METTL22: variants seen among roughly 807,000 people sequenced by gnomAD.
METTL22 encodes methyltransferase 22, Kin17 lysine, also known as methyltransferase-like protein 22.
Under a neutral mutation model 48.4 loss-of-function variants are expected in METTL22, and 51 were observed. That is an observed-to-expected ratio of 1.05 (90% CI 0.84 to 1.33). The LOEUF (loss-of-function observed/expected upper bound fraction) is 1.33, where lower values mean the gene tolerates loss of function less well. METTL22 is among the 40% of genes most tolerant of loss of function. METTL22 has a pLI of 0.00. For synonymous variants in METTL22, 255 were observed against 214.1 expected (o/e 1.19, Z -1.67); for missense variants, 678 against 526.9 (o/e 1.29, Z -2.81).
In METTL22 at chr16:8,644,667, T is replaced by G. The variant is rs200891474; in HGVS notation, c.1121T>G (p.Val374Gly). The change falls in exon 10 of 11, where the codon GTG becomes GGG. Residue 374 changes from valine (V) to glycine (G), a missense_variant. Val to Gly is a moderately radical substitution (Grantham distance 109). Transcript: ENST00000381920. ...GCAGATGGCAAGCTGCGCTTCGTGGTGGAGCCCGTGGAGGCCTCCTTCCCA... is the reference window on the plus strand; with the variant it reads ...GCAGATGGCAAGCTGCGCTTCGTGGGGGAGCCCGTGGAGGCCTCCTTCCCA... The part of the protein sequence containing the change: ...QLADGKLRFV[V>G]EPVEASFPQL... The G allele has an allele frequency of 3.9e-5, 63 of 1,605,992 alleles. No individual in the cohort carries two copies. The highest frequency in any genetic ancestry group is 4.9e-5 in the Non-Finnish European group (58 of 1,176,456).
chr16:8,633,742 G>T (rs2056337744), intron 3 of METTL22, among the ~76,000 whole-genome samples: 1 of 152,248 alleles, frequency 6.6e-6, no homozygotes, highest in African/African-American at 2.4e-5. Context: ...AGCTGTCATT[G>T]GGTGATTTTG....
chr16:8,650,167 CTT>C (rs547257443), downstream of METTL22, among the ~76,000 whole-genome samples: 127 of 152,236 alleles, frequency 8.3e-4, 3 homozygotes, highest in East Asian at 0.021. Context: ...CTCTAAAAAA[CTT>C]TTTTTTAATT....
the METTL22 span, among the ~76,000 whole-genome samples, chr16:8,659,799 C>G: frequency 6.6e-6 from 1 of 151,986 alleles, no homozygotes; most frequent in African/African-American, 2.4e-5. Context: ...TCTTGGCTCA[C>G]TGCAGCCTCG....
intron 1 of METTL22, chr16:8,623,754 C>T (rs753893919): frequency 6.6e-6 from 1 of 152,122 alleles, no homozygotes; most frequent in Non-Finnish European, 1.5e-5. Context: ...TTTGTTGGGA[C>T]AGCTTTTGCT....
intron 9 of METTL22, among the ~76,000 whole-genome samples, chr16:8,643,100 T>C (rs2141805359): frequency 6.6e-6 from 1 of 152,340 alleles, no homozygotes; most frequent in Middle Eastern, 3.4e-3. Context: ...CCTGTAATAC[T>C]TAACAGTAGT....
At position 8,641,256 on chromosome 16, in the gene METTL22, CTG is replaced by C. The variant is rs1017669715; in HGVS notation, c.826+75_826+76del. 4 of 1,512,370 alleles carry C rather than the reference CTG, an allele frequency of 2.6e-6. No homozygotes were observed. In the African/African-American group the frequency reaches 5.5e-5, roughly 21 times the overall value. 93.7% of individuals were successfully genotyped at this position (1,512,370 alleles called of 1,614,324 possible). The stretch of plus-strand genomic sequence containing the variant: ...TTGTAATACCTCAGTGCCCCTGGCT[CTG>C]TGGTTTTGACAGAGCTGTAGTCCCA... On this transcript the variant is annotated intron_variant, in intron 7 of 10. Coordinates refer to ENST00000381920, the MANE Select transcript of METTL22 (RefSeq NM_024109.4).
the METTL22 span, chr16:8,666,996 A>C: frequency 6.6e-6 from 1 of 151,780 alleles, no homozygotes; most frequent in South Asian, 2.1e-4. Flanking sequence ...GGGTTTCACT[A>C]TGTTAGCCAG....
At chr16:8,662,765 C>T in the METTL22 span, among the ~76,000 whole-genome samples, 29 of 144,466 alleles carry the variant, frequency 2.0e-4, 3 homozygotes, top group Non-Finnish European at 3.8e-4. Flanking sequence ...GGCATCTGAA[C>T]TCAAACCAGC....
rs555381515 is a variant in METTL22 at position 8,646,321 on chromosome 16, A to G, written c.*178A>G. On this transcript the variant is annotated 3_prime_UTR_variant, in exon 11 of 11. Coordinates refer to ENST00000381920, the MANE Select transcript of METTL22 (RefSeq NM_024109.4). ...CTGTCCCTGCCTCCCAGTTGTAGCC[A>G]GAGAAGGTTGTTGCTGTGGGCTGGA... 1.2e-6 allele frequency: 1 copy of G among 812,552 alleles called. No individual in the cohort carries two copies. The highest frequency in any genetic ancestry group is 1.7e-5 in the African/African-American group (1 of 59,384). The allele number at this position is 812,552 out of a possible 1,614,324, so 50.3% of individuals were successfully genotyped here. A position where few individuals can be genotyped will look rare whatever the true frequency, so the allele number is the denominator to read the frequency against.
At chr16:8,657,352 G>A in the METTL22 span, among the ~76,000 whole-genome samples, 3 of 152,180 alleles carry the variant, frequency 2.0e-5, no homozygotes, top group African/African-American at 7.2e-5. Context: ...AATAATTTGT[G>A]CGTAGTTAAA....
rs567766667 is a variant in METTL22, at chr16:8,623,312, GA to G, written c.-171+1552del. 5.1e-3 allele frequency among the ~76,000 whole-genome samples: 611 copies of G among 119,356 alleles called. 3 individuals carry two copies. Among genetic ancestry groups the G allele is most frequent in the African/African-American group, 0.012 (390 of 32,802 alleles). The allele number at this position is 119,356 out of a possible 152,430, so 78.3% of individuals were successfully genotyped here. ...GGCAACAGAGTGAGACTCTGTCTCA[GA>G]AAAAAAAAAAAAAATGCGCTATGGC... On this transcript the variant is annotated intron_variant, in intron 1 of 10. Coordinates refer to ENST00000381920, the MANE Select transcript of METTL22 (RefSeq NM_024109.4).
rs923611772 is a variant in METTL22 at position 8,647,496 on chromosome 16, C to G, written c.*1353C>G. On this transcript the variant is annotated 3_prime_UTR_variant, in exon 11 of 11. Coordinates refer to ENST00000381920, the MANE Select transcript of METTL22 (RefSeq NM_024109.4). ...TTGCCTCCAGGAACATTTGGCAGTG[C>G]CTGGAGACATTTTCGGTGGTCACAA... 5.9e-5 allele frequency: 9 copies of G among 152,326 alleles called. No homozygotes were observed. In the East Asian group the frequency reaches 1.7e-3, roughly 29 times the overall value. 9.4% of individuals were successfully genotyped at this position (152,326 alleles called of 1,614,324 possible).
downstream of METTL22, among the ~76,000 whole-genome samples, chr16:8,654,378 A>G (rs1230947924): frequency 1.3e-5 from 2 of 152,244 alleles, no homozygotes; most frequent in African/African-American, 4.8e-5. Flanking sequence ...AAAGTTACAT[A>G]CCACATGGTT....
the METTL22 span, chr16:8,666,729 A>T: frequency 1.3e-5 from 2 of 151,800 alleles, no homozygotes; most frequent in South Asian, 4.2e-4. Context: ...GAGTTTGAGG[A>T]TATAACCATT....
chr16:8,658,929 T>C, the METTL22 span, among the ~76,000 whole-genome samples: 1 of 152,038 alleles, frequency 6.6e-6, no homozygotes, highest in Non-Finnish European at 1.5e-5. Context: ...CTTGGCCATG[T>C]GCCTTAATGC....
Position 8,642,265 on chromosome 16 carries a change from A to G in METTL22, c.907+58A>G, listed in dbSNP as rs2056643620. On this transcript the variant is annotated intron_variant, in intron 8 of 10. Coordinates refer to ENST00000381920, the MANE Select transcript of METTL22 (RefSeq NM_024109.4). ...TTTGTTGTAGCATGAAGTCAAGTGC[A>G]GTCTCTCCTCACTTCCCCCGGGAGT... 2.0e-6 allele frequency: 3 copies of G among 1,474,586 alleles called. No homozygotes were observed. In the South Asian group the frequency reaches 3.4e-5, roughly 17 times the overall value. The allele number at this position is 1,474,586 out of a possible 1,614,324, so 91.3% of individuals were successfully genotyped here. A position where few individuals can be genotyped will look rare whatever the true frequency, so the allele number is the denominator to read the frequency against.
intron 10 of METTL22, 186 bp downstream of exon 10, chr16:8,644,911 C>A: frequency 1.8e-6 from 1 of 559,452 alleles, no homozygotes; most frequent in Non-Finnish European, 2.9e-6. Context: ...CTGTTCTTAG[C>A]AGCCACCATG....
Position 8,646,763 on chromosome 16 carries a change from G to A in METTL22, c.*620G>A, listed in dbSNP as rs1462953894. 2.3e-6 allele frequency: 1 copy of A among 437,474 alleles called. No individual in the cohort carries two copies. The highest frequency in any genetic ancestry group is 2.4e-5 in the Admixed American group (1 of 41,336). 27.1% of individuals were successfully genotyped at this position (437,474 alleles called of 1,614,324 possible). ...CCTAAGAGCCACTCTTTGGGGTCAT[G>A]TGCAGCTGACCAGGGTTTGTGCAGT... is the stretch of plus-strand genomic sequence containing the variant. On this transcript the variant is annotated 3_prime_UTR_variant, in exon 11 of 11. Transcript: ENST00000381920.
downstream of METTL22, among the ~76,000 whole-genome samples, chr16:8,650,810 A>G (rs1159817018): frequency 6.6e-6 from 1 of 151,876 alleles, no homozygotes; most frequent in Non-Finnish European, 1.5e-5. Flanking sequence ...GGATCACCTG[A>G]GGTCAGGAGT....
Sources: gnomAD v4.1 joint callset for allele counts (sites outside exome capture counted in the v4.1 genomes callset) on GRCh38, gnomAD v4.1.1 for gene constraint, MANE v1.5 for transcripts, NCBI Gene and HGNC (gene_info 2026-07-23, HGNC 2026-07-21) for gene names.